VWA2: variants seen among roughly 807,000 people sequenced by gnomAD.
VWA2 encodes the protein von Willebrand factor A domain containing 2.
In VWA2, 73 loss-of-function variants were observed where a neutral mutation model predicts 70.4. That is an observed-to-expected ratio of 1.04 (90% CI 0.86 to 1.26). The LOEUF is 1.26. Ranked by LOEUF, VWA2 falls within the 50% of genes most tolerant of loss-of-function variation. The pLI is 0.00. For missense variants in VWA2, 1,011 were observed against 998.5 expected, an observed-to-expected ratio of 1.01 and a Z score of -0.17; for synonymous variants, 407 against 423.3, an observed-to-expected ratio of 0.96 and a Z score of 0.47.
In VWA2 at chr10:114,246,689, A is replaced by G; in HGVS notation, c.-10-2015A>G. 3 of 1,560,234 alleles carry G rather than the reference A, an allele frequency of 1.9e-6. No homozygotes were observed. The South Asian group carries it at 3.3e-5, about 17-fold the overall frequency. On this transcript the variant is annotated intron_variant, in intron 1 of 13. Transcript: ENST00000392982. ...TCATCAAAACCATTAAATTCCCAAA[A>G]CAAAGAATCAACTAGCAAACAGTCT...
chr10:114,244,938 T>C (rs1351774211), intron 1 of VWA2, among the ~76,000 whole-genome samples: 1 of 152,208 alleles, frequency 6.6e-6, no homozygotes, highest in Non-Finnish European at 1.5e-5. Flanking sequence ...ATCAGGCACA[T>C]GCAGGTCTCT....
chr10:114,264,754 C>T (rs2037525723), intron 5 of VWA2, among the ~76,000 whole-genome samples: 1 of 151,642 alleles, frequency 6.6e-6, no homozygotes, highest in South Asian at 2.1e-4. Flanking sequence ...GAGTCTCATT[C>T]TGTCGCCCTG....
At position 114,292,210 on chromosome 10, in the gene VWA2, G is replaced by C. The variant is rs2039667163; in HGVS notation, c.*973G>C. On this transcript the variant is annotated 3_prime_UTR_variant, in exon 14 of 14. Transcript: ENST00000392982. ...GAGAATGGCTTGAACCTGGGAGGCG[G>C]AAGTTACAGTGAGCCGAGATCTCAC... Among the ~76,000 whole-genome samples, 1 of 151,542 alleles carries C rather than the reference G, an allele frequency of 6.6e-6. No homozygotes were observed. The highest frequency in any genetic ancestry group is 6.6e-5 in the Admixed American group (1 of 15,236).
At chr10:114,285,387 C>T (rs888758976) in intron 10 of VWA2, among the ~76,000 whole-genome samples, 3 of 152,246 alleles carry the variant, frequency 2.0e-5, no homozygotes, top group African/African-American at 7.2e-5. Flanking sequence ...CTTTACCTCA[C>T]TGGGTGGTTG....
intron 1 of VWA2, 143 bp downstream of exon 1, chr10:114,239,712 G>A (rs1338236542): frequency 6.6e-6 from 1 of 152,318 alleles, no homozygotes; most frequent in Non-Finnish European, 1.5e-5. Flanking sequence ...GCCCCGCCGA[G>A]GGTGCGGGCT....
Position 114,261,167 on chromosome 10 carries a change from C to A in VWA2, c.262-19C>A. The A allele has an allele frequency of 5.0e-6, 8 of 1,587,140 alleles. No individual in the cohort carries two copies. Among genetic ancestry groups the A allele is most frequent in the Non-Finnish European group, 5.2e-6 (6 of 1,157,068 alleles). On this transcript the variant is annotated intron_variant, in intron 4 of 13. Coordinates refer to ENST00000392982, the MANE Select transcript of VWA2 (RefSeq NM_001272046.2). The stretch of plus-strand genomic sequence containing the variant: ...TGACTCCAGTCTCGGGGCCCTGAGC[C>A]CCCTGTCTCCTACTGCAGGTCAGAG...
At chr10:114,253,781 G>T in intron 3 of VWA2, 56 bp downstream of exon 3, 1 of 1,477,824 alleles carries the variant, frequency 6.8e-7, no homozygotes, top group South Asian at 1.1e-5. Flanking sequence ...CTGTGTGATG[G>T]ACTGGATGAG....
In VWA2 at chr10:114,286,067, G is replaced by A. The variant is rs1269726179; in HGVS notation, c.1126G>A (p.Glu376Lys). ...VKRFVRAVLS[E>K]DSRARVGVAT... ...GCGGTTTGTGCGGGCCGTGCTGAGCGAGGACTCTCGGGCCCGAGTGGGTGT... is the reference window on the plus strand; with the variant it reads ...GCGGTTTGTGCGGGCCGTGCTGAGCAAGGACTCTCGGGCCCGAGTGGGTGT... Residue 376 changes from glutamate (E) to lysine (K), a missense_variant, in exon 11 of 14, where the codon GAG (glutamate) becomes AAG (lysine). Coordinates refer to ENST00000392982, the MANE Select transcript of VWA2 (RefSeq NM_001272046.2). 2.5e-6 allele frequency: 4 copies of A among 1,614,176 alleles called. No homozygotes were observed. The highest frequency in any genetic ancestry group is 3.4e-6 in the Non-Finnish European group (4 of 1,180,046).
intron 6 of VWA2, among the ~76,000 whole-genome samples, chr10:114,275,614 C>G (rs1042312808): frequency 6.6e-6 from 1 of 152,210 alleles, no homozygotes; most frequent in East Asian, 1.9e-4. Flanking sequence ...ACACCATGGA[C>G]TGATAACTTT....
intron 8 of VWA2, 31 bp from the exon 9 acceptor site, chr10:114,282,485 C>A: frequency 6.3e-7 from 1 of 1,598,048 alleles, no homozygotes; most frequent in South Asian, 1.1e-5. Flanking sequence ...CACCTCTGAT[C>A]TGTCTATAAT....
At chr10:114,286,943 TACAC>T (rs745328643) in intron 11 of VWA2, among the ~76,000 whole-genome samples, 10 of 152,174 alleles carry the variant, frequency 6.6e-5, no homozygotes, top group East Asian at 1.9e-4. Flanking sequence ...TATGCACACA[TACAC>T]ACACGGATGC....
At chr10:114,270,375 A>T (rs549633337) in intron 5 of VWA2, among the ~76,000 whole-genome samples, 42 of 152,346 alleles carry the variant, frequency 2.8e-4, no homozygotes, top group Admixed American at 2.0e-3. Context: ...ATTATATGAT[A>T]ATATGCTAAG....
At chr10:114,251,849 A>G (rs1392700109) in intron 2 of VWA2, among the ~76,000 whole-genome samples, 2 of 135,038 alleles carry the variant, frequency 1.5e-5, no homozygotes, top group African/African-American at 5.9e-5. Flanking sequence ...TTTGAGATTC[A>G]GTCTCCCTCT....
At chr10:114,267,654 C>T (rs2037602086) in intron 5 of VWA2, among the ~76,000 whole-genome samples, 1 of 150,984 alleles carries the variant, frequency 6.6e-6, no homozygotes, top group Admixed American at 6.6e-5. Context: ...GTTAGCCAGG[C>T]TGGTCTCAAA....
chr10:114,263,143 G>C (rs2037481269), intron 5 of VWA2, among the ~76,000 whole-genome samples: 1 of 152,056 alleles, frequency 6.6e-6, no homozygotes, highest in Non-Finnish European at 1.5e-5. Flanking sequence ...AGCCTCCCAA[G>C]TAGCTGGGAC....
At chr10:114,287,699 A>AT (rs2039083682) in intron 11 of VWA2, among the ~76,000 whole-genome samples, 1 of 152,200 alleles carries the variant, frequency 6.6e-6, no homozygotes, top group Non-Finnish European at 1.5e-5. Context: ...TTTTTAAAAA[A>AT]AATAATAGTT....
chr10:114,258,210 G>C (rs1042589516), intron 4 of VWA2, among the ~76,000 whole-genome samples: 1 of 152,130 alleles, frequency 6.6e-6, no homozygotes, highest in Non-Finnish European at 1.5e-5. Flanking sequence ...GCATTTTTTT[G>C]TATTCTCTTT....
intron 5 of VWA2, among the ~76,000 whole-genome samples, chr10:114,264,952 T>G (rs1165134364): frequency 6.6e-6 from 1 of 151,684 alleles, no homozygotes; most frequent in Non-Finnish European, 1.5e-5. Context: ...ACTCCTGACC[T>G]CAGGTGATCC....
rs1889449 is a variant in VWA2 at position 114,291,809 on chromosome 10, G to A, written c.*572G>A. ...TTGAGGGACGTTTGTGACTTCTGGC[G>A]ACTGCCTTTTGTGTGTGGAAGAGAC... On this transcript the variant is annotated 3_prime_UTR_variant, in exon 14 of 14. Coordinates refer to ENST00000392982, the MANE Select transcript of VWA2 (RefSeq NM_001272046.2). 0.2 allele frequency among the ~76,000 whole-genome samples: 29,924 copies of A among 152,138 alleles called. 3,115 individuals are homozygous for A. Among genetic ancestry groups the A allele is most frequent in the South Asian group, 0.28 (1,337 of 4,816 alleles).
Sources: allele counts gnomAD v4.1 joint callset (sites outside exome capture counted in the v4.1 genomes callset), GRCh38; gene constraint gnomAD v4.1.1; transcripts MANE v1.5; gene names NCBI Gene and HGNC (gene_info 2026-07-23, HGNC 2026-07-21).